Variants in DNAH11 observed in about 807,000 individuals in gnomAD.
The protein encoded by DNAH11 is axonemal beta dynein heavy chain 11.
Under a neutral mutation model 526.0 loss-of-function variants are expected in DNAH11, and 442 were observed. The ratio of observed to expected loss-of-function variants is 0.84; its 90% CI spans 0.78 to 0.91. The LOEUF is 0.91. Ranked by LOEUF, DNAH11 falls within the 40% of genes least tolerant of loss-of-function variation. The pLI is 0.00. For synonymous variants in DNAH11, 2,461 were observed against 1,935.9 expected (o/e 1.27, Z -7.12); for missense variants, 6,989 against 5,448.7 (o/e 1.28, Z -8.90).
At position 21,901,094 on chromosome 7, in the gene DNAH11, C is replaced by G; in HGVS notation, c.13391C>G (p.Ala4464Gly). 6.2e-7 allele frequency: 1 copy of G among 1,613,662 alleles called. No homozygotes were observed. Among genetic ancestry groups the G allele is most frequent in the Non-Finnish European group, 8.5e-7 (1 of 1,179,658 alleles). The change falls in exon 82 of 82, where the codon GCC becomes GGC. Residue 4464 changes from alanine to glycine, a missense_variant. Coordinates refer to ENST00000409508, the MANE Select transcript of DNAH11 (RefSeq NM_001277115.2). ...ACPMPVIFAK[A>G]TPVDRQETKQ... is the part of the protein sequence containing the mutation. ...CCTATGCCGGTCATCTTTGCAAAAG[C>G]CACCCCCGTGGACAGACAAGAAACC...
intron 72 of DNAH11, among the ~76,000 whole-genome samples, chr7:21,868,231 A>G (rs1199289875): frequency 6.6e-6 from 1 of 151,482 alleles, no homozygotes; most frequent in Admixed American, 6.6e-5. Context: ...TTTCTTTTGT[A>G]CTGTTTTCCA....
At chr7:21,669,990 T>C (rs1782581026) in intron 30 of DNAH11, among the ~76,000 whole-genome samples, 1 of 152,200 alleles carries the variant, frequency 6.6e-6, no homozygotes. Flanking sequence ...GTTCATTATT[T>C]TCCCCAAGAT....
rs1268936536 is a variant in DNAH11, at chr7:21,690,867, C to A, written c.6027C>A (p.Leu2009=). ...GTCGAACCGAATTACCGGAAAATCT[C>A]AAAGCTCTTTTCAGGCAAGTGTTAT... is the stretch of plus-strand genomic sequence containing the variant. The part of the protein sequence containing the change: ...YAGRTELPEN[L]KALFRPCAMV... Residue 2009 remains leucine, a synonymous_variant, in exon 35 of 82, where the codon CTC becomes CTA. Coordinates refer to ENST00000409508, the MANE Select transcript of DNAH11 (RefSeq NM_001277115.2). 1.2e-6 allele frequency: 2 copies of A among 1,612,206 alleles called. No homozygotes were observed. The highest frequency in any genetic ancestry group is 1.7e-6 in the Non-Finnish European group (2 of 1,178,998).
At position 21,868,104 on chromosome 7, in the gene DNAH11, C is replaced by CTTT. The variant is rs55801704; in HGVS notation, c.11839+111_11839+113dup. 1.6e-3 allele frequency: 1,085 copies of CTTT among 696,450 alleles called. 1 individual carries two copies. Among genetic ancestry groups the CTTT allele is most frequent in the Non-Finnish European group, 1.9e-3 (977 of 512,182 alleles). The allele number at this position is 696,450 out of a possible 1,614,324, so 43.1% of individuals were successfully genotyped here. ...TTTCAGTTCACAGTGATCTTAGTTT[C>CTTT]TTTTTTTTTTTTTTTTAATTTGTTG... On this transcript the variant is annotated intron_variant, in intron 72 of 81. Transcript: ENST00000409508.
chr7:21,899,299 G>T (rs757595956), intron 79 of DNAH11, 37 bp from the exon 80 acceptor site: 1 of 1,555,416 alleles, frequency 6.4e-7, no homozygotes, highest in African/African-American at 1.4e-5. Context: ...CTATTTTACT[G>T]AACAGCAAGT....
rs933354 is a variant in DNAH11, at chr7:21,739,713, T to C, written c.7914+40T>C. ...ACTGCTCTCAAAAACTGTAGGTCTG[T>C]ATTGTATTGTTTTCGAGTACAGCTT... On this transcript the variant is annotated intron_variant, in intron 48 of 81. Coordinates refer to ENST00000409508, the MANE Select transcript of DNAH11 (RefSeq NM_001277115.2). 279,553 of 1,483,738 alleles carry C rather than the reference T, an allele frequency of 0.19. 27,636 individuals carry two copies. The highest frequency in any genetic ancestry group is 0.32 in the Admixed American group (17,764 of 55,978). The allele number at this position is 1,483,738 out of a possible 1,614,324, so 91.9% of individuals were successfully genotyped here. A position where few individuals can be genotyped will look rare whatever the true frequency, so the allele number is the denominator to read the frequency against.
intron 42 of DNAH11, among the ~76,000 whole-genome samples, chr7:21,715,099 T>A (rs927275842): frequency 2.0e-5 from 3 of 152,230 alleles, no homozygotes; most frequent in African/African-American, 7.2e-5. Context: ...ACACTGCTAG[T>A]CAGCATGTAC....
intron 65 of DNAH11, among the ~76,000 whole-genome samples, chr7:21,827,974 A>G (rs1790381828): frequency 6.6e-6 from 1 of 151,002 alleles, no homozygotes; most frequent in African/African-American, 2.4e-5. Context: ...TTTGAGACAG[A>G]GTCTTGCTCT....
chr7:21,800,168 A>G (rs4722057), intron 61 of DNAH11, among the ~76,000 whole-genome samples: 152,192 of 152,322 alleles, frequency 1, 76,031 homozygotes, highest in Middle Eastern at 1. Flanking sequence ...TCTCTTTTAC[A>G]TCCCTTTCGT....
At chr7:21,570,389 A>G (rs1783838666) in intron 7 of DNAH11, 90 bp downstream of exon 7, 2 of 1,062,094 alleles carry the variant, frequency 1.9e-6, no homozygotes, top group Admixed American at 2.7e-5. Flanking sequence ...AGTTTACTTT[A>G]TATCATAGGT....
At chr7:21,876,655 C>T (rs1783723814) in intron 74 of DNAH11, among the ~76,000 whole-genome samples, 1 of 152,236 alleles carries the variant, frequency 6.6e-6, no homozygotes, top group Non-Finnish European at 1.5e-5. Flanking sequence ...CTTTATAGTT[C>T]ACCATTTCTA....
chr7:21,737,266 T>C (rs1054474793), intron 46 of DNAH11, among the ~76,000 whole-genome samples: 2 of 152,148 alleles, frequency 1.3e-5, no homozygotes, highest in African/African-American at 4.8e-5. Flanking sequence ...GGGTGCAAGA[T>C]ATGGAAAAGG....
intron 65 of DNAH11, among the ~76,000 whole-genome samples, chr7:21,841,304 A>G (rs1782194937): frequency 6.6e-6 from 1 of 152,228 alleles, no homozygotes; most frequent in South Asian, 2.1e-4. Flanking sequence ...CATTATACAT[A>G]TATATACAGA....
chr7:21,893,996 T>C (rs1434005668), intron 77 of DNAH11, among the ~76,000 whole-genome samples: 2 of 152,194 alleles, frequency 1.3e-5, no homozygotes, highest in African/African-American at 2.4e-5. Context: ...TCAAGCGATT[T>C]TCGTGCCTCA....
chr7:21,584,715 G>C (rs1784426928), intron 9 of DNAH11, among the ~76,000 whole-genome samples: 1 of 152,074 alleles, frequency 6.6e-6, no homozygotes, highest in Non-Finnish European at 1.5e-5. Flanking sequence ...ATACTTGCTA[G>C]TATATTTAAT....
In DNAH11 at chr7:21,659,005, G is replaced by A. The variant is rs1394237501; in HGVS notation, c.5302G>A (p.Ala1768Thr). ...FSRLEEGYETALKDFHKKQIS... is the reference protein window; with the variant it reads ...FSRLEEGYETTLKDFHKKQIS... ...TAGACTGGAAGAAGGCTACGAAACAGCCCTGAAGGATTTCCATAAAAAACA... is the reference window on the plus strand; with the variant it reads ...TAGACTGGAAGAAGGCTACGAAACAACCCTGAAGGATTTCCATAAAAAACA... Residue 1768 changes from alanine (A) to threonine (T), a missense_variant, in exon 30 of 82, where the codon GCC becomes ACC. By Grantham distance (58) the Ala-to-Thr change is moderately conservative. Coordinates refer to ENST00000409508, the MANE Select transcript of DNAH11 (RefSeq NM_001277115.2). The A allele has an allele frequency of 5.6e-6, 9 of 1,601,802 alleles. No homozygotes were observed. The Admixed American group carries it at 1.0e-4, about 18-fold the overall frequency.
chr7:21,848,071 G>C (rs1782485815), intron 66 of DNAH11, among the ~76,000 whole-genome samples: 1 of 151,326 alleles, frequency 6.6e-6, no homozygotes, highest in African/African-American at 2.4e-5. Context: ...GGAGGCTGAG[G>C]CAGGAGAATG....
rs727502969 is a variant in DNAH11 at position 21,816,575 on chromosome 7, G to A, written c.10441G>A (p.Glu3481Lys). The change falls in exon 64 of 82, where the codon GAA becomes AAA. Residue 3481 changes from glutamate (E) to lysine (K), a missense_variant. By Grantham distance (56) the Glu-to-Lys change is moderately conservative. Transcript: ENST00000409508. Reference protein sequence around the residue: ...EGLPSDRMSTENAAILTHCER... With the variant: ...EGLPSDRMSTKNAAILTHCER... ...ACTGCCCAGTGACAGAATGTCCACC[G>A]AAAATGCCGCTATCCTAACACACTG... 26 of 1,613,424 alleles carry A rather than the reference G, an allele frequency of 1.6e-5. No individual in the cohort carries two copies. The highest frequency in any genetic ancestry group is 1.1e-4 in the South Asian group (10 of 90,920).
In DNAH11 at chr7:21,816,481, A is replaced by G. The variant is rs2128000064; in HGVS notation, c.10347A>G (p.Leu3449=). 6 of 1,606,662 alleles carry G rather than the reference A, an allele frequency of 3.7e-6. No homozygotes were observed. The highest frequency in any genetic ancestry group is 5.1e-6 in the Non-Finnish European group (6 of 1,176,732). ...TGATTTTAAAGGTTTCCATTCCACT[A>G]ACCGAAGGCCTGGACTTGATATCCA... The part of the protein sequence containing the change: ...PFLQQKVSIP[L]TEGLDLISML... The change falls in exon 64 of 82, where the codon CTA becomes CTG. Residue 3449 remains leucine (L), a synonymous_variant. Transcript: ENST00000409508.
Sources: gnomAD v4.1 joint callset for allele counts (sites outside exome capture counted in the v4.1 genomes callset) on GRCh38, gnomAD v4.1.1 for gene constraint, MANE v1.5 for transcripts, NCBI Gene and HGNC (gene_info 2026-07-23, HGNC 2026-07-21) for gene names.